Variants in ZFHX3 observed in about 807,000 individuals in gnomAD.
ZFHX3 encodes the protein zinc finger homeobox 3.
In ZFHX3, 42 loss-of-function variants were observed where a neutral mutation model predicts 279.1. The ratio of observed to expected loss-of-function variants is 0.15; its 90% confidence interval spans 0.12 to 0.19. The LOEUF is 0.19. Among genes scored for constraint, ZFHX3 ranks in the 10% least tolerant of loss-of-function variants. ZFHX3 has a pLI of 1.00. For synonymous variants in ZFHX3, 2,293 were observed against 1,957.8 expected (o/e 1.17, Z -4.52); for missense variants, 4,981 against 4,754.0 (o/e 1.05, Z -1.40).
intron 6 of ZFHX3, among the ~76,000 whole-genome samples, chr16:73,133,223 T>A (rs1328904079): frequency 1.3e-5 from 2 of 152,120 alleles, no homozygotes; most frequent in Non-Finnish European, 2.9e-5. Flanking sequence ...GATAAGACCT[T>A]TAAAGAGGTA....
chr16:73,036,116 G>A (rs745435953), intron 1 of ZFHX3, among the ~76,000 whole-genome samples: 14 of 152,104 alleles, frequency 9.2e-5, no homozygotes, highest in South Asian at 2.1e-4. Context: ...CACAGCACAC[G>A]CGTGCGCGCG....
At chr16:73,659,280 C>T (rs923879152) in intron 2 of ZFHX3, among the ~76,000 whole-genome samples, 5 of 152,086 alleles carry the variant, frequency 3.3e-5, no homozygotes, top group South Asian at 2.1e-4. Context: ...AATGTACATA[C>T]GTGCAAAAAC....
intron 5 of ZFHX3, among the ~76,000 whole-genome samples, chr16:72,812,977 C>T (rs1460177742): frequency 6.6e-6 from 1 of 152,174 alleles, no homozygotes; most frequent in East Asian, 1.9e-4. Flanking sequence ...CTGCTATCTG[C>T]TCCTCCTTCC....
chr16:73,839,817 C>G (rs1961253258), intron 1 of ZFHX3, among the ~76,000 whole-genome samples: 1 of 152,210 alleles, frequency 6.6e-6, no homozygotes, highest in African/African-American at 2.4e-5. Flanking sequence ...CACGACTCCA[C>G]CCATCCCCAT....
At chr16:73,818,718 G>C (rs1237772745) in intron 1 of ZFHX3, among the ~76,000 whole-genome samples, 1 of 152,216 alleles carries the variant, frequency 6.6e-6, no homozygotes, top group Non-Finnish European at 1.5e-5. Context: ...GTGCTGGAAA[G>C]TGTCCCTGGC....
intron 1 of ZFHX3, among the ~76,000 whole-genome samples, chr16:73,859,708 C>T (rs552015831): frequency 6.1e-4 from 93 of 152,196 alleles, no homozygotes; most frequent in African/African-American, 2.1e-3. Flanking sequence ...AAAGGAGAAA[C>T]GTTCTCTTTT....
chr16:73,161,519 T>C (rs1304902229), intron 5 of ZFHX3, among the ~76,000 whole-genome samples: 1 of 152,208 alleles, frequency 6.6e-6, no homozygotes, highest in African/African-American at 2.4e-5. Context: ...GCAGAGGGCA[T>C]TGTTTAAGGT....
chr16:72,833,664 C>G (rs1440326510), intron 4 of ZFHX3, among the ~76,000 whole-genome samples: 1 of 152,170 alleles, frequency 6.6e-6, no homozygotes, highest in African/African-American at 2.4e-5. Context: ...GTGGCCAGGA[C>G]CTGGGAGAGA....
intron 1 of ZFHX3, among the ~76,000 whole-genome samples, chr16:73,873,164 G>A (rs1387065219): frequency 6.0e-5 from 5 of 83,318 alleles, no homozygotes; most frequent in Non-Finnish European, 1.2e-4. Context: ...GGTGGTGGGT[G>A]GTGGTGGGTG....
At chr16:73,050,207 C>T (rs186154575), upstream of ZFHX3, among the ~76,000 whole-genome samples, 3 of 152,334 alleles carry the variant, frequency 2.0e-5, no homozygotes, top group African/African-American at 7.2e-5. Context: ...AGCTAGAAAG[C>T]CCAAAGAACA....
intron 1 of ZFHX3, among the ~76,000 whole-genome samples, chr16:73,855,662 A>G (rs923534045): frequency 1.3e-5 from 2 of 152,248 alleles, no homozygotes; most frequent in African/African-American, 4.8e-5. Flanking sequence ...TCTGGAAAAC[A>G]TAACAAGCTC....
chr16:73,020,637 T>C (rs191881595), intron 1 of ZFHX3, among the ~76,000 whole-genome samples: 1 of 152,316 alleles, frequency 6.6e-6, no homozygotes, highest in East Asian at 1.9e-4. Flanking sequence ...TGAAATCAAG[T>C]GGAACTGATC....
At position 73,281,599 on chromosome 16, in the gene ZFHX3, G is replaced by T. The variant is rs77620736; in HGVS notation, c.-1193-24463C>A. 5.3e-5 allele frequency among the ~76,000 whole-genome samples: 8 copies of T among 151,990 alleles called. No individual in the cohort carries two copies. The East Asian group carries it at 1.5e-3, about 29-fold the overall frequency. On this transcript the variant is annotated intron_variant, in intron 4 of 17. Coordinates refer to the ZFHX3 transcript ENST00000641206. ...ATTGTGTACTTAAAATTGCTAAGAG[G>T]GTACATCTTACGTTAAGTGATCTTA... is the stretch of plus-strand genomic sequence containing the variant.
chr16:73,245,241 T>A (rs985843083), intron 5 of ZFHX3, among the ~76,000 whole-genome samples: 11 of 152,234 alleles, frequency 7.2e-5, no homozygotes, highest in Non-Finnish European at 1.0e-4. Context: ...CTATATTTTA[T>A]TCATCTTCAC....
intron 2 of ZFHX3, chr16:73,486,617 T>C (rs1258826111): frequency 2.9e-6 from 1 of 339,002 alleles, no homozygotes; most frequent in Non-Finnish European, 5.9e-6. Flanking sequence ...AAGATAGACC[T>C]GCATTTATTC....
chr16:72,787,085 A>C lies in ZFHX3; in HGVS notation c.*79T>G. The C allele has an allele frequency of 8.6e-7, 1 of 1,163,168 alleles. No homozygotes were observed. The highest frequency in any genetic ancestry group is 3.2e-5 in the East Asian group (1 of 31,092). 72.1% of individuals were successfully genotyped at this position (1,163,168 alleles called of 1,614,324 possible). A position where few individuals can be genotyped will look rare whatever the true frequency, so the allele number is the denominator to read the frequency against. ...TTTTGGTTAGAAGCTTTGGAATTGC[A>C]GTTAGTCTATTTTTGAAATTGGTTT... On this transcript the variant is annotated 3_prime_UTR_variant, in exon 10 of 10. Coordinates refer to ENST00000268489, the MANE Select transcript of ZFHX3 (RefSeq NM_006885.4).
intron 1 of ZFHX3, among the ~76,000 whole-genome samples, chr16:72,984,553 G>C (rs1187643621): frequency 6.6e-6 from 1 of 151,402 alleles, no homozygotes; most frequent in Non-Finnish European, 1.5e-5. Context: ...TTGAGCTCAA[G>C]AGGTTGAGGC....
intron 1 of ZFHX3, among the ~76,000 whole-genome samples, chr16:73,055,371 C>T (rs182639725): frequency 1.3e-3 from 202 of 152,178 alleles, no homozygotes; most frequent in African/African-American, 4.4e-3. Flanking sequence ...ACAGACCAAA[C>T]ACCTGAAAGG....
At chr16:73,851,514 A>G (rs1400306972) in intron 1 of ZFHX3, among the ~76,000 whole-genome samples, 1 of 152,224 alleles carries the variant, frequency 6.6e-6, no homozygotes, top group African/African-American at 2.4e-5. Context: ...CATTTGCTAA[A>G]TGGATAAAAT....
Sources: allele counts gnomAD v4.1 joint callset (sites outside exome capture counted in the v4.1 genomes callset), GRCh38; gene constraint gnomAD v4.1.1; transcripts MANE v1.5; gene names NCBI Gene and HGNC (gene_info 2026-07-23, HGNC 2026-07-21).